The following SORCS2 variants were observed in gnomAD, a reference collection of about 807,000 sequenced individuals.
The protein encoded by SORCS2 is sortilin related VPS10 domain containing receptor 2, also known as VPS10 domain-containing receptor SorCS2.
A neutral mutation model predicts 141.6 loss-of-function variants in SORCS2; 100 were observed. The observed-to-expected ratio is 0.71, with a 90% confidence interval of 0.60 to 0.83. The LOEUF is 0.83. SORCS2 is among the 40% of genes least tolerant of loss of function. SORCS2 has a pLI of 0.00. For synonymous variants in SORCS2, 789 were observed against 676.9 expected, an observed-to-expected ratio of 1.17 and a Z score of -2.57; for missense variants, 1,646 against 1,560.2, an observed-to-expected ratio of 1.05 and a Z score of -0.93.
At chr4:7,636,178 G>T (rs1286274991) in intron 3 of SORCS2, among the ~76,000 whole-genome samples, 1 of 151,826 alleles carries the variant, frequency 6.6e-6, no homozygotes, top group African/African-American at 2.4e-5. Context: ...ACCCTGCAGT[G>T]TGTGGCTAAG....
At chr4:7,479,678 C>T (rs1730509936) in intron 2 of SORCS2, among the ~76,000 whole-genome samples, 1 of 148,598 alleles carries the variant, frequency 6.7e-6, no homozygotes, top group South Asian at 2.1e-4. Context: ...GGGGCCGTGT[C>T]CCTCTTCTCC....
chr4:7,378,158 T>C (rs1722773298), intron 1 of SORCS2, among the ~76,000 whole-genome samples: 1 of 152,242 alleles, frequency 6.6e-6, no homozygotes, highest in Non-Finnish European at 1.5e-5. Context: ...GGCTTGTGAC[T>C]CTTCATGGCC....
intron 1 of SORCS2, among the ~76,000 whole-genome samples, chr4:7,275,415 G>A (rs1448647392): frequency 6.6e-6 from 1 of 152,102 alleles, no homozygotes; most frequent in Non-Finnish European, 1.5e-5. Context: ...TCATGTGTCT[G>A]GCTCAGGGCT....
chr4:7,343,687 C>T (rs1720497251), intron 1 of SORCS2, among the ~76,000 whole-genome samples: 1 of 152,200 alleles, frequency 6.6e-6, no homozygotes, highest in Admixed American at 6.5e-5. Context: ...GAAAATAGCC[C>T]TTAGGAGGTC....
intron 1 of SORCS2, among the ~76,000 whole-genome samples, chr4:7,298,488 C>T (rs1209079786): frequency 6.6e-6 from 1 of 152,184 alleles, no homozygotes; most frequent in African/African-American, 2.4e-5. Context: ...CGGTCAGCGA[C>T]CCAGGCAAGG....
intron 1 of SORCS2, among the ~76,000 whole-genome samples, chr4:7,209,802 T>C (rs1411271890): frequency 6.6e-6 from 1 of 152,196 alleles, no homozygotes; most frequent in African/African-American, 2.4e-5. Context: ...GTTGACATCA[T>C]GGATTGCTGA....
chr4:7,654,397 C>A (rs1444681675), intron 5 of SORCS2, among the ~76,000 whole-genome samples, 190 bp downstream of exon 5: 1 of 152,224 alleles, frequency 6.6e-6, no homozygotes, highest in Non-Finnish European at 1.5e-5. Flanking sequence ...GGGGAACCCG[C>A]AGTCGTTCTT....
At chr4:7,443,158 G>T (rs771205650) in intron 2 of SORCS2, among the ~76,000 whole-genome samples, 12 of 152,224 alleles carry the variant, frequency 7.9e-5, no homozygotes, top group Non-Finnish European at 1.6e-4. Context: ...AATTATGTCA[G>T]ATCACAGGTA....
chr4:7,441,060 G>C (rs1353722130), intron 2 of SORCS2, among the ~76,000 whole-genome samples: 1 of 152,160 alleles, frequency 6.6e-6, no homozygotes, highest in Non-Finnish European at 1.5e-5. Flanking sequence ...GCAGGTGTGA[G>C]CTCAGCACTG....
rs991237001 is a variant in SORCS2 at position 7,558,836 on chromosome 4, C to T, written c.648+27207C>T. 4.6e-5 allele frequency among the ~76,000 whole-genome samples: 7 copies of T among 152,180 alleles called. No homozygotes were observed. In the East Asian group the frequency reaches 5.8e-4, roughly 13 times the overall value. ...GCCTCACCCTAGGGCCTCTAGTCCA[C>T]GGGCCTCTGGCTTTACCCCAAAGCC... On this transcript the variant is annotated intron_variant, in intron 3 of 26. Transcript: ENST00000507866.
intron 1 of SORCS2, among the ~76,000 whole-genome samples, chr4:7,379,838 G>A (rs1722882663): frequency 6.6e-6 from 1 of 152,226 alleles, no homozygotes; most frequent in Non-Finnish European, 1.5e-5. Flanking sequence ...GCTGAAGGCA[G>A]CTGCAGAAAC....
At chr4:7,592,879 T>C (rs1560411336) in intron 3 of SORCS2, among the ~76,000 whole-genome samples, 1 of 152,220 alleles carries the variant, frequency 6.6e-6, no homozygotes, top group Admixed American at 6.5e-5. Context: ...GCCTGGCTCA[T>C]AGTAGTTGTA....
intron 23 of SORCS2, among the ~76,000 whole-genome samples, chr4:7,731,510 G>A (rs1057466261): frequency 6.6e-6 from 1 of 152,128 alleles, no homozygotes; most frequent in Non-Finnish European, 1.5e-5. Flanking sequence ...AATAGCCAAA[G>A]CCATTTTGAG....
At chr4:7,485,142 C>T (rs1730896907) in intron 2 of SORCS2, among the ~76,000 whole-genome samples, 1 of 152,222 alleles carries the variant, frequency 6.6e-6, no homozygotes, top group Non-Finnish European at 1.5e-5. Context: ...GCACACACTC[C>T]CACTTTCGTT....
intron 2 of SORCS2, among the ~76,000 whole-genome samples, chr4:7,420,446 G>C (rs932416327): frequency 1.3e-5 from 2 of 152,204 alleles, no homozygotes; most frequent in African/African-American, 4.8e-5. Flanking sequence ...CTGAGACTCA[G>C]AGAGTGTCCA....
chr4:7,358,401 C>T (rs1400106064), intron 1 of SORCS2, among the ~76,000 whole-genome samples: 2 of 152,254 alleles, frequency 1.3e-5, no homozygotes, highest in Non-Finnish European at 2.9e-5. Context: ...CCCAAAGTCA[C>T]ACTCCTGAGA....
intron 1 of SORCS2, among the ~76,000 whole-genome samples, chr4:7,244,255 C>G (rs1712920638): frequency 6.6e-6 from 1 of 152,228 alleles, no homozygotes; most frequent in South Asian, 2.1e-4. Flanking sequence ...GGCTTCTCCA[C>G]TTGGAACAAG....
Position 7,734,387 on chromosome 4 carries a change from G to C in SORCS2, c.3311+13G>C. 1 of 1,507,768 alleles carries C rather than the reference G, an allele frequency of 6.6e-7. No homozygotes were observed. Among genetic ancestry groups the C allele is most frequent in the Non-Finnish European group, 8.9e-7 (1 of 1,120,450 alleles). 93.4% of individuals were successfully genotyped at this position (1,507,768 alleles called of 1,614,324 possible). ...ACAAGTTCAAAAGGCAAGGCCCTTG[G>C]CTGCCCTCCTCTGCGGGGCTCTGAC... On this transcript the variant is annotated intron_variant, in intron 25 of 26. Transcript: ENST00000507866.
At chr4:7,611,785 G>A (rs1484399820) in intron 3 of SORCS2, among the ~76,000 whole-genome samples, 1 of 152,240 alleles carries the variant, frequency 6.6e-6, no homozygotes, top group Non-Finnish European at 1.5e-5. Context: ...CCTCTTGCTG[G>A]CACCCAGCCT....
Sources: gnomAD v4.1 joint callset for allele counts (sites outside exome capture counted in the v4.1 genomes callset) on GRCh38, gnomAD v4.1.1 for gene constraint, MANE v1.5 for transcripts, NCBI Gene and HGNC (gene_info 2026-07-23, HGNC 2026-07-21) for gene names.